Variants in PRKAR1B observed in about 807,000 individuals in gnomAD.
The protein encoded by PRKAR1B is protein kinase cAMP-dependent type I regulatory subunit beta.
Under a neutral mutation model 46.5 loss-of-function variants are expected in PRKAR1B, and 22 were observed. The observed-to-expected ratio is 0.47, with a 90% CI of 0.34 to 0.68. The LOEUF is 0.68. Ranked by LOEUF, PRKAR1B falls within the 30% of genes least tolerant of loss-of-function variation. PRKAR1B has a pLI of 0.01. For synonymous variants in PRKAR1B, 259 were observed against 217.7 expected, an observed-to-expected ratio of 1.19 and a Z score of -1.67; for missense variants, 445 against 535.6, an observed-to-expected ratio of 0.83 and a Z score of 1.67.
intron 2 of PRKAR1B, among the ~76,000 whole-genome samples, chr7:704,638 C>T (rs1406827855): frequency 8.6e-5 from 13 of 151,946 alleles, no homozygotes; most frequent in Middle Eastern, 3.4e-3. Context: ...GAGCCAGGCG[C>T]GATGCCTGTA....
intron 4 of PRKAR1B, among the ~76,000 whole-genome samples, chr7:619,186 G>A (rs1231964172): frequency 6.6e-6 from 1 of 152,208 alleles, no homozygotes; most frequent in Non-Finnish European, 1.5e-5. Context: ...TCGGACGAAA[G>A]CACAGCAGGG....
intron 9 of PRKAR1B, among the ~76,000 whole-genome samples, chr7:572,551 G>A (rs1779579206): frequency 1.3e-5 from 2 of 152,196 alleles, no homozygotes; most frequent in Admixed American, 6.5e-5. Flanking sequence ...ATGCCTCACA[G>A]GTGTGAGCAG....
intron 10 of PRKAR1B, among the ~76,000 whole-genome samples, chr7:551,148 A>G (rs1443630032): frequency 6.6e-6 from 1 of 152,102 alleles, no homozygotes; most frequent in Non-Finnish European, 1.5e-5. Context: ...CCCCAAGGTC[A>G]TGCCCTCTGG....
intron 9 of PRKAR1B, among the ~76,000 whole-genome samples, chr7:577,466 G>GGA (rs1779926906): frequency 2.0e-5 from 3 of 149,012 alleles, no homozygotes; most frequent in Non-Finnish European, 4.5e-5. Context: ...CTTGAGGGCC[G>GGA]GAGACATGGG....
chr7:721,636 G>A (rs187687487), intron 1 of PRKAR1B, among the ~76,000 whole-genome samples: 56 of 142,286 alleles, frequency 3.9e-4, no homozygotes, highest in Admixed American at 1.3e-3. Context: ...CAACAAGAGC[G>A]AAATTCCGTC....
chr7:604,101 G>A (rs1369100082), intron 6 of PRKAR1B, among the ~76,000 whole-genome samples: 1 of 152,190 alleles, frequency 6.6e-6, no homozygotes, highest in East Asian at 1.9e-4. Context: ...GCTGGGGGCT[G>A]AGCCCCATTC....
chr7:674,609 C>T (rs1355288201), intron 4 of PRKAR1B, among the ~76,000 whole-genome samples: 1 of 152,088 alleles, frequency 6.6e-6, no homozygotes, highest in Admixed American at 6.5e-5. Context: ...GCTACTCTAG[C>T]CACACCCAGC....
In PRKAR1B at chr7:585,097, T is replaced by C. The variant is rs540647135; in HGVS notation, c.709-529A>G. ...ACCCTGGGAAAAGCATGCTGAATCA[T>C]ACAATACCAACAAACACGGCCCTGT... On this transcript the variant is annotated intron_variant, in intron 7 of 10. Coordinates refer to ENST00000537384, the MANE Select transcript of PRKAR1B (RefSeq NM_001164760.2). 2.6e-5 allele frequency among the ~76,000 whole-genome samples: 4 copies of C among 152,316 alleles called. No homozygotes were observed. The East Asian group carries it at 7.7e-4, about 29-fold the overall frequency.
chr7:616,091 C>T (rs949946603), intron 4 of PRKAR1B, among the ~76,000 whole-genome samples: 69 of 152,210 alleles, frequency 4.5e-4, no homozygotes, highest in African/African-American at 1.5e-3. Context: ...CGAGACCCTC[C>T]CAGGCCCAGC....
At chr7:708,261 G>A (rs947277323) in intron 2 of PRKAR1B, among the ~76,000 whole-genome samples, 29 of 152,084 alleles carry the variant, frequency 1.9e-4, no homozygotes, top group African/African-American at 6.8e-4. Context: ...AGACCCAGAA[G>A]GAGCCATCCC....
intron 9 of PRKAR1B, among the ~76,000 whole-genome samples, chr7:559,886 C>T (rs568244502): frequency 2.2e-4 from 33 of 152,138 alleles, no homozygotes; most frequent in East Asian, 1.5e-3. Flanking sequence ...GGTCAGCCTG[C>T]GCAACATGGC....
intron 9 of PRKAR1B, among the ~76,000 whole-genome samples, chr7:577,396 G>C (rs1473127272): frequency 1.3e-5 from 2 of 152,194 alleles, no homozygotes; most frequent in Non-Finnish European, 2.9e-5. Flanking sequence ...ATTTCCCGAT[G>C]ACAGGTACAG....
At chr7:657,479 G>A (rs1411304436) in intron 4 of PRKAR1B, among the ~76,000 whole-genome samples, 2 of 152,204 alleles carry the variant, frequency 1.3e-5, no homozygotes, top group African/African-American at 4.8e-5. Flanking sequence ...CCCATATTTA[G>A]ACTCAATTAA....
At chr7:557,885 C>T (rs1050526878) in intron 9 of PRKAR1B, among the ~76,000 whole-genome samples, 1 of 152,144 alleles carries the variant, frequency 6.6e-6, no homozygotes, top group Non-Finnish European at 1.5e-5. Flanking sequence ...TTGATTCTAA[C>T]CCGACTCTAA....
intron 2 of PRKAR1B, among the ~76,000 whole-genome samples, chr7:684,193 T>C (rs1778872977): frequency 6.6e-6 from 1 of 152,148 alleles, no homozygotes; most frequent in Non-Finnish European, 1.5e-5. Flanking sequence ...CACCTCCACG[T>C]GCACCAATGC....
intron 4 of PRKAR1B, among the ~76,000 whole-genome samples, chr7:622,686 G>A (rs1783173374): frequency 6.6e-6 from 1 of 152,136 alleles, no homozygotes. Flanking sequence ...TGCACCAACA[G>A]TAGGTCTGCA....
At chr7:707,670 G>A (rs1319323212) in intron 2 of PRKAR1B, among the ~76,000 whole-genome samples, 1 of 152,172 alleles carries the variant, frequency 6.6e-6, no homozygotes, top group East Asian at 1.9e-4. Flanking sequence ...AGGATGACTA[G>A]TGTCCCTATG....
chr7:582,889 T>C (rs1357122909), intron 8 of PRKAR1B, among the ~76,000 whole-genome samples: 4 of 152,216 alleles, frequency 2.6e-5, no homozygotes, highest in Non-Finnish European at 4.4e-5. Flanking sequence ...TCTCGGCCCC[T>C]ATAAAATCTG....
intron 4 of PRKAR1B, among the ~76,000 whole-genome samples, chr7:656,357 A>C (rs1035339465): frequency 2.6e-5 from 4 of 152,170 alleles, no homozygotes; most frequent in African/African-American, 9.7e-5. Flanking sequence ...GAATGTATGG[A>C]TGCATGAATG....
Sources: allele counts gnomAD v4.1 joint callset (sites outside exome capture counted in the v4.1 genomes callset), GRCh38; gene constraint gnomAD v4.1.1; transcripts MANE v1.5; gene names NCBI Gene and HGNC (gene_info 2026-07-23, HGNC 2026-07-21).